The following L3MBTL4 variants were observed in gnomAD, a reference collection of about 807,000 sequenced individuals.
L3MBTL4 encodes lethal(3)malignant brain tumor-like protein 4.
A neutral mutation model predicts 84.5 loss-of-function variants in L3MBTL4; 70 were observed. That is an observed-to-expected ratio of 0.83 (90% CI 0.68 to 1.01). The LOEUF (loss-of-function observed/expected upper bound fraction) is 1.01. L3MBTL4 is among the 50% of genes least tolerant of loss of function. The probability of loss-of-function intolerance (pLI) is 0.00; values close to 1 mark genes in which losing one functional copy is unlikely to be tolerated. For synonymous variants in L3MBTL4, 274 were observed against 259.8 expected, an observed-to-expected ratio of 1.05 and a Z score of -0.52; for missense variants, 715 against 754.8, an observed-to-expected ratio of 0.95 and a Z score of 0.62.
chr18:6,082,866 T>C (rs1035320041), intron 15 of L3MBTL4, among the ~76,000 whole-genome samples: 15 of 152,110 alleles, frequency 9.9e-5, no homozygotes, highest in South Asian at 2.1e-4. Flanking sequence ...ATCCTGTGAG[T>C]AGTTCAGATT....
At chr18:6,279,633 G>A (rs1177168707) in intron 4 of L3MBTL4, among the ~76,000 whole-genome samples, 1 of 152,164 alleles carries the variant, frequency 6.6e-6, no homozygotes, top group Non-Finnish European at 1.5e-5. Flanking sequence ...CCCTTGCCAT[G>A]TAGTAGATGT....
At chr18:6,299,982 T>C (rs1430014933) in intron 4 of L3MBTL4, among the ~76,000 whole-genome samples, 1 of 152,168 alleles carries the variant, frequency 6.6e-6, no homozygotes, top group Non-Finnish European at 1.5e-5. Context: ...TATTTTTCAA[T>C]ACAATTTTCT....
intron 16 of L3MBTL4, among the ~76,000 whole-genome samples, chr18:6,073,095 A>G (rs1159711931): frequency 6.6e-6 from 1 of 150,748 alleles, no homozygotes; most frequent in African/African-American, 2.4e-5. Flanking sequence ...ACACAGCCAA[A>G]AATTGGTCCA....
At chr18:6,247,565 G>A (rs1399683042) in intron 5 of L3MBTL4, among the ~76,000 whole-genome samples, 6 of 142,080 alleles carry the variant, frequency 4.2e-5, no homozygotes, top group African/African-American at 8.0e-5. Flanking sequence ...TGCAACCTCC[G>A]GCTCCCAGGT....
chr18:6,072,877 AAAAAATATATATATATAT>A (rs2057718342), intron 16 of L3MBTL4, among the ~76,000 whole-genome samples: 1 of 42,672 alleles, frequency 2.3e-5, no homozygotes, highest in East Asian at 6.1e-4. Context: ...AAAAAAAAAA[AAAAAATATATATATATAT>A]ATATATATAT....
At chr18:6,221,590 C>A (rs760703322) in intron 10 of L3MBTL4, among the ~76,000 whole-genome samples, 3 of 152,172 alleles carry the variant, frequency 2.0e-5, no homozygotes, top group Middle Eastern at 3.2e-3. Context: ...TCCTGACTTG[C>A]AATTTGTAGA....
chr18:6,007,940 T>TG (rs1404796659), intron 16 of L3MBTL4, among the ~76,000 whole-genome samples: 1 of 152,202 alleles, frequency 6.6e-6, no homozygotes, highest in Non-Finnish European at 1.5e-5. Context: ...TGCTTGCTTA[T>TG]GCCTAAAGAA....
intron 12 of L3MBTL4, among the ~76,000 whole-genome samples, chr18:6,186,477 G>A (rs889252305): frequency 2.6e-5 from 4 of 152,318 alleles, no homozygotes; most frequent in African/African-American, 9.6e-5. Flanking sequence ...AAATGGGACC[G>A]AAGAAATGGG....
At chr18:5,990,225 C>T (rs1598374562) in intron 16 of L3MBTL4, among the ~76,000 whole-genome samples, 1 of 152,150 alleles carries the variant, frequency 6.6e-6, no homozygotes. Flanking sequence ...GCTGGACTAT[C>T]GATTTTCCAT....
chr18:6,220,478 C>T (rs894261143), intron 10 of L3MBTL4, among the ~76,000 whole-genome samples: 3 of 152,138 alleles, frequency 2.0e-5, no homozygotes, highest in Admixed American at 6.6e-5. Flanking sequence ...CAACTGTCAC[C>T]TTCTCGCTCA....
At chr18:6,042,204 C>T (rs992642469) in intron 16 of L3MBTL4, among the ~76,000 whole-genome samples, 1 of 152,146 alleles carries the variant, frequency 6.6e-6, no homozygotes, top group African/African-American at 2.4e-5. Context: ...TCCTCCCACC[C>T]AAGGTTAATC....
At chr18:6,008,747 T>G (rs1483013501) in intron 16 of L3MBTL4, among the ~76,000 whole-genome samples, 1 of 152,186 alleles carries the variant, frequency 6.6e-6, no homozygotes, top group African/African-American at 2.4e-5. Context: ...GTTTGGATTT[T>G]GTATAAATTC....
intron 4 of L3MBTL4, 131 bp downstream of exon 4, chr18:6,301,771 AC>A: frequency 1.3e-6 from 1 of 744,570 alleles, no homozygotes; most frequent in Admixed American, 1.9e-5. Context: ...AGTATGCAAT[AC>A]CCTGAATAAA....
chr18:6,376,127 G>A (rs1346622627), intron 1 of L3MBTL4, among the ~76,000 whole-genome samples: 4 of 152,106 alleles, frequency 2.6e-5, no homozygotes, highest in South Asian at 2.1e-4. Context: ...CTCCCTGCTC[G>A]CCTCACTGGC....
chr18:6,298,816 G>A (rs2050213052), intron 4 of L3MBTL4, among the ~76,000 whole-genome samples: 1 of 152,140 alleles, frequency 6.6e-6, no homozygotes. Flanking sequence ...GGAGGTTGCA[G>A]TGAGCCAAGA....
chr18:6,146,831 T>C (rs9950094), intron 13 of L3MBTL4, among the ~76,000 whole-genome samples: 11,006 of 152,140 alleles, frequency 0.072, 1,333 homozygotes, highest in African/African-American at 0.25. Flanking sequence ...GACGGGGTGA[T>C]AGGCCAGTAT....
At chr18:6,090,655 T>A (rs2143584647) in intron 15 of L3MBTL4, among the ~76,000 whole-genome samples, 1 of 148,938 alleles carries the variant, frequency 6.7e-6, no homozygotes, top group African/African-American at 2.5e-5. Flanking sequence ...TGAGACAGGG[T>A]CTCACTCTGT....
At chr18:6,365,732 A>G (rs905065693) in intron 1 of L3MBTL4, among the ~76,000 whole-genome samples, 12 of 152,362 alleles carry the variant, frequency 7.9e-5, no homozygotes, top group African/African-American at 2.4e-4. Context: ...CAAAAATGCC[A>G]GCTTTTGAAA....
intron 16 of L3MBTL4, among the ~76,000 whole-genome samples, chr18:5,993,177 C>G (rs2053784247): frequency 6.6e-6 from 1 of 152,168 alleles, no homozygotes; most frequent in South Asian, 2.1e-4. Context: ...GAGGAGGAAG[C>G]CTCCCATAAA....
Sources: gnomAD v4.1 joint callset for allele counts (sites outside exome capture counted in the v4.1 genomes callset) on GRCh38, gnomAD v4.1.1 for gene constraint, MANE v1.5 for transcripts, NCBI Gene and HGNC (gene_info 2026-07-23, HGNC 2026-07-21) for gene names.